OSBPL8: variants seen among roughly 807,000 people sequenced by gnomAD.
OSBPL8 encodes the protein oxysterol binding protein like 8, also known as oxysterol-binding protein-related protein 8.
OSBPL8 carries 59 observed loss-of-function variants against 125.5 expected under a neutral mutation model. The ratio of observed to expected loss-of-function variants is 0.47; its 90% CI spans 0.38 to 0.58. The LOEUF is 0.58. Among genes scored for constraint, OSBPL8 ranks in the 20% least tolerant of loss-of-function variants. The pLI, the probability that OSBPL8 is intolerant of heterozygous loss-of-function variation, is 0.00. For missense variants in OSBPL8, 758 were observed against 1,047.8 expected (o/e 0.72, Z 3.82); for synonymous variants, 330 against 338.9 (o/e 0.97, Z 0.29).
At chr12:76,537,892 G>C (rs993455148) in intron 1 of OSBPL8, 1 of 152,214 alleles carries the variant, frequency 6.6e-6, no homozygotes, top group African/African-American at 2.4e-5. Context: ...CTGGGCAACA[G>C]AGCAAGACTC....
intron 21 of OSBPL8, among the ~76,000 whole-genome samples, chr12:76,362,852 T>C (rs1454445690): frequency 6.6e-6 from 1 of 151,746 alleles, no homozygotes. Context: ...TACAAAAAAA[T>C]CAATGTGCAA....
intron 1 of OSBPL8, among the ~76,000 whole-genome samples, chr12:76,506,770 T>A (rs993338702): frequency 1.7e-4 from 26 of 152,272 alleles, no homozygotes; most frequent in Admixed American, 3.9e-4. Flanking sequence ...GGCTGGGGGC[T>A]TAAAGTATAA....
chr12:76,492,520 G>A (rs1204887777), intron 1 of OSBPL8, among the ~76,000 whole-genome samples: 1 of 152,172 alleles, frequency 6.6e-6, no homozygotes, highest in Non-Finnish European at 1.5e-5. Flanking sequence ...GGGTGAGTGA[G>A]TGAAGCTTCA....
At chr12:76,525,017 A>G (rs1466996462) in intron 1 of OSBPL8, among the ~76,000 whole-genome samples, 1 of 152,118 alleles carries the variant, frequency 6.6e-6, no homozygotes, top group South Asian at 2.1e-4. Context: ...ACGGTGATCA[A>G]TTTGCAAACT....
Position 76,525,507 on chromosome 12 carries a change from T to C in OSBPL8, c.-68+33890A>G, listed in dbSNP as rs894423382. On this transcript the variant is annotated intron_variant, in intron 1 of 23. Coordinates refer to ENST00000261183, the MANE Select transcript of OSBPL8 (RefSeq NM_020841.5). The stretch of plus-strand genomic sequence containing the variant: ...TTTGAGGGAAGAGCAATATTCATTA[T>C]GCATAAATGGTAACACTGTAGATAC... 1.3e-5 allele frequency among the ~76,000 whole-genome samples: 2 copies of C among 151,328 alleles called. 1 individual carries two copies. Among genetic ancestry groups the C allele is most frequent in the South Asian group, 4.2e-4 (2 of 4,806 alleles).
chr12:76,359,810 T>C (rs1952130166), intron 21 of OSBPL8, among the ~76,000 whole-genome samples: 1 of 152,132 alleles, frequency 6.6e-6, no homozygotes, highest in Non-Finnish European at 1.5e-5. Flanking sequence ...TGGGGGAAAC[T>C]GCCCCTATGA....
intron 1 of OSBPL8, among the ~76,000 whole-genome samples, chr12:76,524,439 T>G (rs936722737): frequency 3.3e-5 from 5 of 151,928 alleles, no homozygotes; most frequent in African/African-American, 1.2e-4. Flanking sequence ...GCAATTAAAT[T>G]TTTTTTTAAA....
chr12:76,412,964 C>A (rs2136433539), intron 4 of OSBPL8, among the ~76,000 whole-genome samples: 1 of 152,238 alleles, frequency 6.6e-6, no homozygotes. Flanking sequence ...ACTTGTACTA[C>A]AGTATTTACT....
chr12:76,365,343 C>T (rs1161637361), intron 21 of OSBPL8, among the ~76,000 whole-genome samples: 1 of 152,130 alleles, frequency 6.6e-6, no homozygotes, highest in East Asian at 1.9e-4. Flanking sequence ...ATAGTTTTCA[C>T]TGTAGAAGTC....
At chr12:76,434,950 A>T (rs1278283256) in intron 4 of OSBPL8, among the ~76,000 whole-genome samples, 1 of 152,194 alleles carries the variant, frequency 6.6e-6, no homozygotes, top group Non-Finnish European at 1.5e-5. Context: ...TATGAAGGTT[A>T]TTCAAAAGAT....
rs531095641 is a variant in OSBPL8, at chr12:76,481,837, T to G, written c.42+5673A>C. On this transcript the variant is annotated intron_variant, in intron 2 of 23. Coordinates refer to ENST00000261183, the MANE Select transcript of OSBPL8 (RefSeq NM_020841.5). Reference sequence around the variant, plus strand: ...AAAAAGTGGTGTAATTCCATTAATTTGCATGCACAAGCTCTAAAATGTTGC... The same window carrying G: ...AAAAAGTGGTGTAATTCCATTAATTGGCATGCACAAGCTCTAAAATGTTGC... Among the ~76,000 whole-genome samples, 15 of 152,360 alleles carry G rather than the reference T, an allele frequency of 9.8e-5. No homozygotes were observed. In the South Asian group the frequency reaches 3.1e-3, roughly 32 times the overall value.
chr12:76,498,725 C>CTTTTTT lies in OSBPL8; in HGVS notation c.-67-11113_-67-11108dup, dbSNP rs369287376. 2.0e-4 allele frequency among the ~76,000 whole-genome samples: 20 copies of CTTTTTT among 102,492 alleles called. 1 individual carries two copies. The highest frequency in any genetic ancestry group is 7.4e-4 in the African/African-American group (19 of 25,560). The allele number at this position is 102,492 out of a possible 152,430, so 67.2% of individuals were successfully genotyped here. A position where few individuals can be genotyped will look rare whatever the true frequency, so the allele number is the denominator to read the frequency against. ...CTTAGTGGTAATAAAAGCCTCCCCA[C>CTTTTTT]TTTTTTTTTTTTTTTTTTTTTTGAG... On this transcript the variant is annotated intron_variant, in intron 1 of 23. Transcript: ENST00000261183.
At chr12:76,436,439 T>G (rs1871452946) in intron 4 of OSBPL8, among the ~76,000 whole-genome samples, 2 of 152,194 alleles carry the variant, frequency 1.3e-5, no homozygotes, top group Admixed American at 1.3e-4. Flanking sequence ...CCCTAAATTT[T>G]GAAATTTGTG....
chr12:76,360,933 T>A (rs10459162), intron 21 of OSBPL8, among the ~76,000 whole-genome samples: 1 of 152,232 alleles, frequency 6.6e-6, no homozygotes, highest in Non-Finnish European at 1.5e-5. Context: ...GCTTCCAGGT[T>A]GGTGAAGGGT....
intron 14 of OSBPL8, 57 bp downstream of exon 14, chr12:76,386,111 A>G (rs1953297340): frequency 6.4e-7 from 1 of 1,552,170 alleles, no homozygotes; most frequent in African/African-American, 1.4e-5. Context: ...TATTTTCTAT[A>G]AAAATATTCC....
At chr12:76,498,119 T>C (rs1195430413) in intron 1 of OSBPL8, among the ~76,000 whole-genome samples, 1 of 152,206 alleles carries the variant, frequency 6.6e-6, no homozygotes, top group Non-Finnish European at 1.5e-5. Context: ...AAAATCAGTA[T>C]TTGGGCTGGG....
chr12:76,394,149 T>C (rs1290964802), intron 9 of OSBPL8, among the ~76,000 whole-genome samples: 8 of 152,328 alleles, frequency 5.3e-5, no homozygotes, highest in African/African-American at 1.9e-4. Flanking sequence ...AATCCATTAT[T>C]AATTATTAAG....
chr12:76,393,241 A>G (rs981599359), intron 9 of OSBPL8, among the ~76,000 whole-genome samples: 3 of 152,220 alleles, frequency 2.0e-5, no homozygotes, highest in African/African-American at 7.2e-5. Context: ...ATTAGTTAAG[A>G]GAAACATTAA....
chr12:76,394,265 A>AT (rs1385453049), intron 9 of OSBPL8, among the ~76,000 whole-genome samples: 2 of 152,184 alleles, frequency 1.3e-5, no homozygotes, highest in Non-Finnish European at 2.9e-5. Context: ...AATCTCTTAC[A>AT]TAAAAAAAAA....
Sources: allele counts gnomAD v4.1 joint callset (sites outside exome capture counted in the v4.1 genomes callset), GRCh38; gene constraint gnomAD v4.1.1; transcripts MANE v1.5; gene names NCBI Gene and HGNC (gene_info 2026-07-23, HGNC 2026-07-21).